Variants in FBN2 observed in about 807,000 individuals in gnomAD.
FBN2 encodes the protein fibrillin-2.
FBN2 carries 105 observed loss-of-function variants against 355.6 expected under a neutral mutation model. The observed-to-expected ratio is 0.30, with a 90% confidence interval of 0.25 to 0.35. The LOEUF is 0.35. FBN2 is among the 10% of genes least tolerant of loss of function. The pLI is 1.00. For synonymous variants in FBN2, 1,350 were observed against 1,301.2 expected (o/e 1.04, Z -0.81); for missense variants, 3,280 against 3,758.7 (o/e 0.87, Z 3.33).
chr5:128,531,667 T>G (rs1756708506), intron 2 of FBN2, among the ~76,000 whole-genome samples: 1 of 151,272 alleles, frequency 6.6e-6, no homozygotes, highest in African/African-American at 2.4e-5. Flanking sequence ...TATATATGTG[T>G]GCGTGTGTGT....
At chr5:128,421,916 C>A (rs192804665) in intron 7 of FBN2, among the ~76,000 whole-genome samples, 30 of 152,214 alleles carry the variant, frequency 2.0e-4, no homozygotes, top group Admixed American at 2.0e-3. Flanking sequence ...CAGAGATAAT[C>A]CTAGATTATC....
At chr5:128,486,013 AAG>A (rs1755327642) in intron 5 of FBN2, among the ~76,000 whole-genome samples, 1 of 152,210 alleles carries the variant, frequency 6.6e-6, no homozygotes, top group Non-Finnish European at 1.5e-5. Flanking sequence ...CTTATCATTT[AAG>A]TACAGGATTT....
rs533007381 is a variant in FBN2, at chr5:128,491,358, A to G, written c.629-26437T>C. Among the ~76,000 whole-genome samples the G allele has an allele frequency of 6.6e-5, 10 of 152,342 alleles. No homozygotes were observed. The East Asian group carries it at 1.9e-3, about 29-fold the overall frequency. On this transcript the variant is annotated intron_variant, in intron 5 of 64. Coordinates refer to ENST00000262464, the MANE Select transcript of FBN2 (RefSeq NM_001999.4). Reference sequence around the variant, plus strand: ...TTTAGAACATTGTAAACTTTTCTCCAGGCAGTGATAGACCTTGTGATTCTG... The same window carrying G: ...TTTAGAACATTGTAAACTTTTCTCCGGGCAGTGATAGACCTTGTGATTCTG...
chr5:128,466,029 T>C (rs951264059), intron 5 of FBN2, among the ~76,000 whole-genome samples: 2 of 152,228 alleles, frequency 1.3e-5, no homozygotes, highest in Non-Finnish European at 2.9e-5. Flanking sequence ...CCTGCTTTCT[T>C]CTGTGATTTA....
chr5:128,471,917 G>A (rs867646812), intron 5 of FBN2, among the ~76,000 whole-genome samples: 12 of 152,152 alleles, frequency 7.9e-5, no homozygotes, highest in African/African-American at 2.7e-4. Flanking sequence ...GATATCTGAT[G>A]TATTTAATAA....
chr5:128,287,227 A>T, intron 54 of FBN2, 81 bp downstream of exon 54: 1 of 1,479,468 alleles, frequency 6.8e-7, no homozygotes, highest in Admixed American at 1.7e-5. Flanking sequence ...AGAAGAAATT[A>T]GTTGAGAACT....
rs1764890858 is a variant in FBN2 at position 128,259,115 on chromosome 5, T to C, written c.*340A>G. The C allele has an allele frequency of 4.2e-6, 1 of 238,390 alleles. No individual in the cohort carries two copies. Among genetic ancestry groups the C allele is most frequent in the Admixed American group, 5.0e-5 (1 of 19,984 alleles). 14.8% of individuals were successfully genotyped at this position (238,390 alleles called of 1,614,324 possible). ...AACTATAGCAAAATACCCAAAGTGT[T>C]ACAGACTGCTAACAGGAAAAAAAAA... On this transcript the variant is annotated 3_prime_UTR_variant, in exon 65 of 65. Transcript: ENST00000262464.
At position 128,263,492 on chromosome 5, in the gene FBN2, C is replaced by T. The variant is rs145809527; in HGVS notation, c.8125G>A (p.Gly2709Ser). ...CSSSKNPCNYGCSNTEGGYLC... is the reference protein window; with the variant it reads ...CSSSKNPCNYSCSNTEGGYLC... ...TAGCCCCCCTCCGTGTTAGAGCAGC[C>T]GTAATTGCAGGGGTTCTTGGAGGAC... Residue 2709 changes from glycine (G) to serine (S), a missense_variant, in exon 63 of 65, where the codon GGC becomes AGC. Gly to Ser is a moderately conservative substitution (Grantham distance 56). Coordinates refer to ENST00000262464, the MANE Select transcript of FBN2 (RefSeq NM_001999.4). 11 of 1,614,108 alleles carry T rather than the reference C, an allele frequency of 6.8e-6. No homozygotes were observed. The highest frequency in any genetic ancestry group is 2.7e-5 in the African/African-American group (2 of 75,024).
rs766993329 is a variant in FBN2, at chr5:128,277,863, G to C, written c.7471+17C>G. 4 of 1,614,024 alleles carry C rather than the reference G, an allele frequency of 2.5e-6. No individual in the cohort carries two copies. The highest frequency in any genetic ancestry group is 3.4e-6 in the Non-Finnish European group (4 of 1,179,922). ...ATTAGCCCCCAAACCCCTGGATATA[G>C]AGGTGCCCATCGTTACCTATACAAG... On this transcript the variant is annotated intron_variant, in intron 58 of 64. Transcript: ENST00000262464.
intron 5 of FBN2, among the ~76,000 whole-genome samples, chr5:128,473,010 C>T (rs967339226): frequency 1.6e-4 from 25 of 152,030 alleles, no homozygotes; most frequent in Admixed American, 1.4e-3. Context: ...CGACATTGAC[C>T]ACGCCCCTCG....
At chr5:128,332,832 A>G in intron 32 of FBN2, 80 bp downstream of exon 32, 4 of 1,316,818 alleles carry the variant, frequency 3.0e-6, no homozygotes. Context: ...AAAAGTGAAG[A>G]GCATGATTCT....
chr5:128,382,727 T>C (rs764936901), intron 11 of FBN2, among the ~76,000 whole-genome samples: 16 of 152,086 alleles, frequency 1.1e-4, no homozygotes, highest in Non-Finnish European at 2.1e-4. Flanking sequence ...ACTCTTTGAC[T>C]CCCCACAACT....
intron 5 of FBN2, among the ~76,000 whole-genome samples, chr5:128,507,610 T>C (rs1755999153): frequency 6.6e-6 from 1 of 152,074 alleles, no homozygotes; most frequent in Non-Finnish European, 1.5e-5. Flanking sequence ...GTATTCTTAA[T>C]TGAGCTTTGG....
At chr5:128,334,197 G>A (rs1750771471) in intron 31 of FBN2, among the ~76,000 whole-genome samples, 1 of 151,946 alleles carries the variant, frequency 6.6e-6, no homozygotes, top group African/African-American at 2.4e-5. Context: ...AAAAGAGAAA[G>A]GCAATTTGGG....
intron 27 of FBN2, among the ~76,000 whole-genome samples, chr5:128,337,277 T>G (rs1434445592): frequency 1.3e-5 from 2 of 152,248 alleles, no homozygotes; most frequent in Non-Finnish European, 2.9e-5. Context: ...ATATGTGTAT[T>G]GGAAAGGTGT....
Position 128,274,645 on chromosome 5 carries a change from A to G in FBN2, c.7633T>C (p.Phe2545Leu). The G allele has an allele frequency of 6.2e-7, 1 of 1,613,260 alleles. No homozygotes were observed. The highest frequency in any genetic ancestry group is 8.5e-7 in the Non-Finnish European group (1 of 1,179,236). The stretch of plus-strand genomic sequence containing the variant: ...CCCCCCAGGGTGTTGACACAGAGGA[A>G]CTGGCAGTTATGCTGCTTTGTTTGA... Reference protein sequence around the residue: ...ECQTKQHNCQFLCVNTLGGFT... With the variant: ...ECQTKQHNCQLLCVNTLGGFT... Residue 2545 changes from phenylalanine (F) to leucine (L), a missense_variant, in exon 60 of 65, where the codon TTC becomes CTC. Phe to Leu is a conservative substitution (Grantham distance 22). Transcript: ENST00000262464.
At chr5:128,428,908 G>A (rs1323888716) in intron 7 of FBN2, among the ~76,000 whole-genome samples, 2 of 152,172 alleles carry the variant, frequency 1.3e-5, no homozygotes, top group Non-Finnish European at 2.9e-5. Flanking sequence ...TCTCACGGAT[G>A]ATTCTAGGGA....
At chr5:128,381,549 A>G (rs2126963528) in intron 11 of FBN2, among the ~76,000 whole-genome samples, 1 of 152,214 alleles carries the variant, frequency 6.6e-6, no homozygotes, top group African/African-American at 2.4e-5. Context: ...TATAAATTCA[A>G]TTTGTTGTTT....
At position 128,312,762 on chromosome 5, in the gene FBN2, C is replaced by A. The variant is rs770269667; in HGVS notation, c.4751G>T (p.Gly1584Val). Residue 1584 changes from glycine to valine, a missense_variant, in exon 37 of 65, where the codon GGA (glycine) becomes GTA (valine). This residue lies in a region of FBN2 where 2,284 missense variants were observed against 2,749.5 expected (regional missense o/e 0.83). Coordinates refer to ENST00000262464, the MANE Select transcript of FBN2 (RefSeq NM_001999.4). ...NRVGNCYLKF[G>V]PRGDGSLSCN... is the part of the protein sequence containing the mutation. ...AGACAGACTCCCATCTCCTCGAGGT[C>A]CAAACTTCAGGTAGCAGTTGCCCAC... The A allele has an allele frequency of 2.5e-6, 4 of 1,613,820 alleles. No individual in the cohort carries two copies. Among genetic ancestry groups the A allele is most frequent in the Non-Finnish European group, 3.4e-6 (4 of 1,180,026 alleles).
Sources: gnomAD v4.1 joint callset for allele counts (sites outside exome capture counted in the v4.1 genomes callset) on GRCh38, gnomAD v4.1.1 for gene constraint, gnomAD v4.1.1 regional missense constraint, MANE v1.5 for transcripts, NCBI Gene and HGNC (gene_info 2026-07-23, HGNC 2026-07-21) for gene names.